The following DIAPH2 variants were observed in gnomAD, a reference collection of about 807,000 sequenced individuals.
DIAPH2 encodes diaphanous related formin 2.
Under a neutral mutation model 92.7 loss-of-function variants are expected in DIAPH2, and 35 were observed. That is an observed-to-expected ratio of 0.38 (90% CI 0.29 to 0.50). DIAPH2 has a LOEUF of 0.50. Among genes scored for constraint, DIAPH2 ranks in the 20% least tolerant of loss-of-function variants. The probability of loss-of-function intolerance (pLI) is 0.94; values close to 1 mark genes in which losing one functional copy is unlikely to be tolerated. For synonymous variants in DIAPH2, 301 were observed against 280.4 expected, an observed-to-expected ratio of 1.07 and a Z score of -0.73; for missense variants, 701 against 819.5, an observed-to-expected ratio of 0.86 and a Z score of 1.77.
intron 25 of DIAPH2, among the ~76,000 whole-genome samples, chrX:97,423,168 A>G (rs2070027193): frequency 9.0e-6 from 1 of 111,145 alleles, no homozygotes; most frequent in Non-Finnish European, 1.9e-5. Flanking sequence ...AACCTGCCTG[A>G]CATTTTTCCT....
chrX:96,899,393 T>C (rs919968765), intron 5 of DIAPH2, among the ~76,000 whole-genome samples: 7 of 110,755 alleles, frequency 6.3e-5, no homozygotes, highest in Non-Finnish European at 1.9e-5. Flanking sequence ...TGTATCCTCT[T>C]TTATTTCATT....
At chrX:97,286,291 T>G (rs2147606562) in intron 23 of DIAPH2, among the ~76,000 whole-genome samples, 1 of 109,738 alleles carries the variant, frequency 9.1e-6, no homozygotes, top group South Asian at 4.0e-4. Flanking sequence ...CCTTGTGATC[T>G]GCCCGCCTCA....
At position 97,164,986 on chromosome X, in the gene DIAPH2, C is replaced by T. The variant is rs757489452; in HGVS notation, c.2719+23192C>T. 2.8e-4 allele frequency among the ~76,000 whole-genome samples: 31 copies of T among 112,340 alleles called. No individual in the cohort carries two copies. In the South Asian group the frequency reaches 0.011, roughly 40 times the overall value. ...GGTAAAGCAGGGAGATGACACATTT[C>T]GTGCATTGTATTTCACTCTTTCAAC... On this transcript the variant is annotated intron_variant, in intron 22 of 26. Transcript: ENST00000324765.
At chrX:97,324,014 T>C (rs1280998412) in intron 23 of DIAPH2, among the ~76,000 whole-genome samples, 2 of 111,466 alleles carry the variant, frequency 1.8e-5, no homozygotes, top group Admixed American at 9.6e-5. Context: ...ATTTGTGTAC[T>C]CAGTATTTAG....
chrX:97,141,948 A>G (rs2067211318), intron 22 of DIAPH2, among the ~76,000 whole-genome samples, 154 bp downstream of exon 22: 2 of 112,383 alleles, frequency 1.8e-5, no homozygotes, highest in South Asian at 7.3e-4. Flanking sequence ...CTTATATTTG[A>G]CAGCATACTA....
chrX:96,759,902 A>G (rs2147600643), intron 4 of DIAPH2, among the ~76,000 whole-genome samples: 1 of 111,738 alleles, frequency 8.9e-6, no homozygotes, highest in South Asian at 3.7e-4. Flanking sequence ...TTATATACTG[A>G]TTTTTCAGAT....
chrX:97,177,335 T>A (rs1335601741), intron 22 of DIAPH2, among the ~76,000 whole-genome samples: 1 of 111,728 alleles, frequency 9.0e-6, no homozygotes, highest in East Asian at 2.8e-4. Flanking sequence ...AAATAGCACA[T>A]GGCAAAAAAA....
In DIAPH2 at chrX:97,245,522, C is replaced by T. The variant is rs147170777; in HGVS notation, c.2720-2193C>T. On this transcript the variant is annotated intron_variant, in intron 22 of 26. Transcript: ENST00000324765. ...TCCTGGGCCCACGTGATCCTCCTGCCTCAGCCTCCTAAAGAGCTGGGATTA... is the reference window on the plus strand; with the variant it reads ...TCCTGGGCCCACGTGATCCTCCTGCTTCAGCCTCCTAAAGAGCTGGGATTA... Among the ~76,000 whole-genome samples the T allele has an allele frequency of 2.6e-3, 291 of 110,736 alleles. 2 individuals are homozygous for T. The highest frequency in any genetic ancestry group is 4.7e-3 in the Middle Eastern group (1 of 214).
At chrX:97,528,738 T>A (rs760404815) in intron 26 of DIAPH2, 14 of 111,247 alleles carry the variant, frequency 1.3e-4, no homozygotes, top group African/African-American at 4.6e-4. Flanking sequence ...ACATTCGAAC[T>A]ATGGAAAGTT....
intron 1 of DIAPH2, among the ~76,000 whole-genome samples, chrX:96,700,780 GTAT>G (rs2063850910): frequency 9.1e-6 from 1 of 110,034 alleles, no homozygotes; most frequent in African/African-American, 3.5e-5. Flanking sequence ...TCACCAGACT[GTAT>G]TATTCTGTTG....
chrX:96,848,446 T>C (rs1371356717), intron 4 of DIAPH2, among the ~76,000 whole-genome samples: 4 of 112,173 alleles, frequency 3.6e-5, no homozygotes, highest in Non-Finnish European at 7.5e-5. Context: ...ATTTTAAAAT[T>C]ATCATTTTGT....
chrX:96,837,882 T>C (rs1035352714), intron 4 of DIAPH2, among the ~76,000 whole-genome samples: 1 of 111,905 alleles, frequency 8.9e-6, no homozygotes, highest in Non-Finnish European at 1.9e-5. Flanking sequence ...CCCCTACTTA[T>C]TAGGCACCAT....
rs374852941 is a variant in DIAPH2 at position 96,816,309 on chromosome X, G to A, written c.447+58051G>A. 7.1e-5 allele frequency among the ~76,000 whole-genome samples: 8 copies of A among 111,972 alleles called. No individual in the cohort carries two copies. The East Asian group carries it at 1.7e-3, about 24-fold the overall frequency. The stretch of plus-strand genomic sequence containing the variant: ...GAACATGGGAGTGCAGATATCATTT[G>A]GAGATACTGACATAAATTCTTTTGG... On this transcript the variant is annotated intron_variant, in intron 4 of 26. Transcript: ENST00000324765.
intron 17 of DIAPH2, among the ~76,000 whole-genome samples, chrX:96,990,920 C>T (rs1200645245): frequency 9.0e-6 from 1 of 110,637 alleles, no homozygotes; most frequent in Non-Finnish European, 1.9e-5. Flanking sequence ...TTTCTGACTT[C>T]TCAGTGAATG....
chrX:96,761,418 T>G (rs2147602428), intron 4 of DIAPH2, among the ~76,000 whole-genome samples: 1 of 110,120 alleles, frequency 9.1e-6, no homozygotes, highest in Non-Finnish European at 1.9e-5. Flanking sequence ...TTTGTTAGAC[T>G]GACCTGTATA....
intron 4 of DIAPH2, among the ~76,000 whole-genome samples, chrX:96,774,697 C>T (rs1168074106): frequency 8.0e-5 from 9 of 111,940 alleles, no homozygotes; most frequent in African/African-American, 9.7e-5. Flanking sequence ...TGTGCCTCTT[C>T]GAGTTTTTTT....
chrX:97,206,623 A>G (rs1373181689), intron 22 of DIAPH2, among the ~76,000 whole-genome samples: 1 of 112,057 alleles, frequency 8.9e-6, no homozygotes, highest in East Asian at 2.8e-4. Context: ...TCAATTTATA[A>G]TATCCTTATA....
intron 22 of DIAPH2, among the ~76,000 whole-genome samples, chrX:97,234,245 C>T (rs180828846): frequency 3.8e-5 from 4 of 104,099 alleles, no homozygotes; most frequent in Non-Finnish European, 7.8e-5. Context: ...GCAGGAGAAT[C>T]GTTTGAACCT....
intron 26 of DIAPH2, among the ~76,000 whole-genome samples, chrX:97,587,510 A>C (rs370120060): frequency 1.8e-5 from 2 of 111,877 alleles, no homozygotes; most frequent in South Asian, 7.4e-4. Context: ...CAAGGGCATA[A>C]AAAAAATACC....
Sources: gnomAD v4.1 joint callset for allele counts (sites outside exome capture counted in the v4.1 genomes callset) on GRCh38, gnomAD v4.1.1 for gene constraint, MANE v1.5 for transcripts, NCBI Gene and HGNC (gene_info 2026-07-23, HGNC 2026-07-21) for gene names.